LYPD8: variants seen among roughly 807,000 people sequenced by gnomAD.
LYPD8 encodes ly6/PLAUR domain-containing protein 8.
LYPD8 carries 8 observed loss-of-function variants against 1.7 expected under a neutral mutation model. That is an observed-to-expected ratio of 4.58 (90% CI 2.69 to 8.27). The LOEUF (loss-of-function observed/expected upper bound fraction) is 8.27, where lower values mean the gene tolerates loss of function less well. Ranked by LOEUF, LYPD8 falls within the 30% of genes most tolerant of loss-of-function variation. The probability of loss-of-function intolerance (pLI) is 0.00; values close to 1 mark genes in which losing one functional copy is unlikely to be tolerated. For missense variants in LYPD8, 112 were observed against 102.3 expected, an observed-to-expected ratio of 1.09 and a Z score of -0.41; for synonymous variants, 50 against 43.6, an observed-to-expected ratio of 1.15 and a Z score of -0.58.
intron 2 of LYPD8, among the ~76,000 whole-genome samples, chr1:248,754,431 C>G (rs1662891551): frequency 6.6e-6 from 1 of 151,198 alleles, no homozygotes; most frequent in Non-Finnish European, 1.5e-5. Flanking sequence ...ATACACCACA[C>G]ACCTCACACA....
chr1:248,746,083 T>C (rs1482521196), intron 5 of LYPD8, among the ~76,000 whole-genome samples: 3 of 152,220 alleles, frequency 2.0e-5, no homozygotes, highest in Non-Finnish European at 2.9e-5. Flanking sequence ...CTTCCCGTTG[T>C]ATATGTTTCT....
At chr1:248,742,602 G>A (rs1457581200) in intron 6 of LYPD8, among the ~76,000 whole-genome samples, 3 of 97,502 alleles carry the variant, frequency 3.1e-5, no homozygotes, top group Admixed American at 9.8e-5. Context: ...TTGGCAGTCG[G>A]GGGAGATTAT....
chr1:248,743,311 A>C (rs1355435513), intron 6 of LYPD8, among the ~76,000 whole-genome samples: 1 of 152,144 alleles, frequency 6.6e-6, no homozygotes, highest in East Asian at 1.9e-4. Flanking sequence ...CTACAAATAC[A>C]AAAAGTAGCC....
chr1:248,743,443 C>T (rs535076043), intron 6 of LYPD8, among the ~76,000 whole-genome samples: 4 of 152,146 alleles, frequency 2.6e-5, no homozygotes, highest in East Asian at 1.9e-4. Context: ...CCAGCCTGGG[C>T]GACAGAGCAA....
At chr1:248,753,466 A>AC (rs1662866328) in intron 2 of LYPD8, among the ~76,000 whole-genome samples, 2 of 113,048 alleles carry the variant, frequency 1.8e-5, no homozygotes, top group South Asian at 3.0e-4. Context: ...CACCCCACAC[A>AC]ACACACCACA....
chr1:248,743,611 G>A (rs1662664602), intron 6 of LYPD8, among the ~76,000 whole-genome samples: 1 of 152,040 alleles, frequency 6.6e-6, no homozygotes. Flanking sequence ...ACTGTACCTG[G>A]ATACTAGTGC....
intron 6 of LYPD8, among the ~76,000 whole-genome samples, chr1:248,743,350 A>G (rs1553283735): frequency 6.6e-6 from 1 of 152,150 alleles, no homozygotes; most frequent in East Asian, 1.9e-4. Context: ...GTATAATCCC[A>G]GCTACCCAGG....
At chr1:248,752,011 A>C (rs1435442503) in intron 2 of LYPD8, among the ~76,000 whole-genome samples, 1 of 152,138 alleles carries the variant, frequency 6.6e-6, no homozygotes, top group African/African-American at 2.4e-5. Flanking sequence ...TTGTGTATCA[A>C]AGCAGGAGAG....
At chr1:248,753,692 A>G (rs1384966285) in intron 2 of LYPD8, among the ~76,000 whole-genome samples, 1 of 141,992 alleles carries the variant, frequency 7.0e-6, no homozygotes, top group Non-Finnish European at 1.5e-5. Context: ...CACATCACAC[A>G]CACACCACAC....
At chr1:248,754,470 C>A (rs2103175739) in intron 2 of LYPD8, among the ~76,000 whole-genome samples, 1 of 150,286 alleles carries the variant, frequency 6.7e-6, no homozygotes, top group East Asian at 2.0e-4. Context: ...CACACCATAT[C>A]ACACACACAT....
chr1:248,752,811 A>C (rs1662832863), intron 2 of LYPD8, among the ~76,000 whole-genome samples: 1 of 104,698 alleles, frequency 9.6e-6, no homozygotes, highest in Admixed American at 9.6e-5. Context: ...CCCACAACAC[A>C]CACACATCAC....
intron 4 of LYPD8, among the ~76,000 whole-genome samples, chr1:248,749,180 A>C (rs1242510118): frequency 3.9e-5 from 6 of 152,214 alleles, no homozygotes; most frequent in African/African-American, 1.4e-4. Context: ...TTTCTCTAAC[A>C]AACCAATAGG....
chr1:248,740,269 C>T (rs1553283175), intron 6 of LYPD8, among the ~76,000 whole-genome samples: 1 of 152,196 alleles, frequency 6.6e-6, no homozygotes, highest in East Asian at 1.9e-4. Context: ...CTTCCCTGTC[C>T]CCTTCCAGGC....
chr1:248,755,138 CAG>C (rs1662901166), intron 2 of LYPD8, 99 bp downstream of exon 2: 1 of 152,348 alleles, frequency 6.6e-6, no homozygotes, highest in Admixed American at 6.5e-5. Context: ...AGCAGAGAAA[CAG>C]AGCCTGGGAG....
intron 2 of LYPD8, among the ~76,000 whole-genome samples, chr1:248,752,497 C>T (rs916498714): frequency 0.029 from 4,347 of 151,282 alleles, 62 homozygotes; most frequent in African/African-American, 0.1. Flanking sequence ...CACATCACCC[C>T]CCACACACAC....
At position 248,739,896 on chromosome 1, in the gene LYPD8, C is replaced by T; in HGVS notation, c.476-47G>A. On this transcript the variant is annotated intron_variant, in intron 6 of 6. Coordinates refer to ENST00000590317, the MANE Select transcript of LYPD8 (RefSeq NM_001085474.2). This position sits in a 1 kb window ranked among gnomAD's most constrained non-coding sequence, Gnocchi z 4.3. ...GAGGGACGCCACTCAGTCCTTTGTC[C>T]TTCCACCCACGCCTGCTCTTAGTTC... 1 of 1,547,950 alleles carries T rather than the reference C, an allele frequency of 6.5e-7. No homozygotes were observed. Among genetic ancestry groups the T allele is most frequent in the Non-Finnish European group, 8.7e-7 (1 of 1,145,440 alleles).
At position 248,753,879 on chromosome 1, in the gene LYPD8, TCA is replaced by T. The variant is rs1420491371; in HGVS notation, c.-50+1358_-50+1359del. Among the ~76,000 whole-genome samples, 569 of 128,958 alleles carry T rather than the reference TCA, an allele frequency of 4.4e-3. 4 individuals are homozygous for T. The highest frequency in any genetic ancestry group is 0.016 in the African/African-American group (541 of 33,034). 84.6% of individuals were successfully genotyped at this position (128,958 alleles called of 152,430 possible). A position where few individuals can be genotyped will look rare whatever the true frequency, so the allele number is the denominator to read the frequency against. ...ACACATACACCACACACCCCATGCA[TCA>T]CACACACACCACACATCACATGTCA... On this transcript the variant is annotated intron_variant, in intron 2 of 6. Coordinates refer to ENST00000590317, the MANE Select transcript of LYPD8 (RefSeq NM_001085474.2).
chr1:248,754,974 G>A (rs1379660940), intron 2 of LYPD8, among the ~76,000 whole-genome samples: 4 of 148,514 alleles, frequency 2.7e-5, no homozygotes, highest in African/African-American at 1.0e-4. Context: ...TGGAGGAGGG[G>A]AAAGGAGAGG....
chr1:248,750,755 G>A (rs1034389028), intron 3 of LYPD8, 112 bp from the exon 4 acceptor site: 24 of 397,794 alleles, frequency 6.0e-5, no homozygotes, highest in African/African-American at 4.9e-4. Flanking sequence ...AGACGGGATG[G>A]CATCCCTGCC....
Sources: gnomAD v4.1 joint callset for allele counts (sites outside exome capture counted in the v4.1 genomes callset) on GRCh38, gnomAD v4.1.1 for gene constraint, Gnocchi (gnomAD v3.1) non-coding constraint, MANE v1.5 for transcripts, NCBI Gene and HGNC (gene_info 2026-07-23, HGNC 2026-07-21) for gene names.